Variants in TMEM108 observed in about 807,000 individuals in gnomAD.
TMEM108 encodes cancer/testis antigen 124.
TMEM108 carries 12 observed loss-of-function variants against 35.1 expected under a neutral mutation model. That is an observed-to-expected ratio of 0.34 (90% CI 0.22 to 0.55). The LOEUF (loss-of-function observed/expected upper bound fraction) is 0.55, where lower values mean the gene tolerates loss of function less well. TMEM108 is among the 20% of genes least tolerant of loss of function. The pLI is 0.89. For missense variants in TMEM108, 680 were observed against 753.3 expected, an observed-to-expected ratio of 0.90 and a Z score of 1.14; for synonymous variants, 287 against 308.6, an observed-to-expected ratio of 0.93 and a Z score of 0.73.
intron 2 of TMEM108, among the ~76,000 whole-genome samples, chr3:133,142,489 G>C (rs1944654631): frequency 6.6e-6 from 1 of 152,110 alleles, no homozygotes; most frequent in Non-Finnish European, 1.5e-5. Flanking sequence ...ACCTGCTCAG[G>C]GTGGATGTGT....
At chr3:133,230,889 A>T (rs917454821) in intron 3 of TMEM108, among the ~76,000 whole-genome samples, 1 of 152,206 alleles carries the variant, frequency 6.6e-6, no homozygotes, top group Non-Finnish European at 1.5e-5. Flanking sequence ...AGGGGGTTCA[A>T]ACATCATCTG....
chr3:133,200,995 TTTTGGAGGATCA>T (rs200273110), intron 2 of TMEM108, among the ~76,000 whole-genome samples: 3,494 of 152,216 alleles, frequency 0.023, 48 homozygotes, highest in African/African-American at 0.037. Flanking sequence ...CTTATGTTAA[TTTTGGAGGATCA>T]TTTGGAGGAT....
At chr3:133,386,677 C>T (rs555814585) in intron 4 of TMEM108, 1 of 1,398,278 alleles carries the variant, frequency 7.2e-7, no homozygotes, top group African/African-American at 1.4e-5. Context: ...GCAGTTGAAG[C>T]TTTTCAACTA....
chr3:133,143,133 C>T (rs1376051987), intron 2 of TMEM108, among the ~76,000 whole-genome samples: 4 of 152,132 alleles, frequency 2.6e-5, no homozygotes, highest in Non-Finnish European at 4.4e-5. Context: ...GGTTCATACC[C>T]AGAGCTCTGG....
chr3:133,166,806 T>C (rs1045522848), intron 2 of TMEM108, among the ~76,000 whole-genome samples: 2 of 152,170 alleles, frequency 1.3e-5, no homozygotes, highest in Non-Finnish European at 2.9e-5. Flanking sequence ...GCTCCCACAG[T>C]GTGGAAGGGC....
intron 2 of TMEM108, among the ~76,000 whole-genome samples, chr3:133,100,267 A>G (rs1246242975): frequency 2.0e-5 from 3 of 152,158 alleles, no homozygotes; most frequent in Admixed American, 6.5e-5. Context: ...CCCACAACAC[A>G]TGGGAATTCT....
chr3:133,120,968 T>C (rs554770650), intron 2 of TMEM108: 1 of 152,246 alleles, frequency 6.6e-6, no homozygotes, highest in Non-Finnish European at 1.5e-5. Flanking sequence ...AAGGCCTTTT[T>C]GGCATCCCAT....
At chr3:133,123,913 C>G (rs1274230981) in intron 2 of TMEM108, among the ~76,000 whole-genome samples, 1 of 152,130 alleles carries the variant, frequency 6.6e-6, no homozygotes, top group Non-Finnish European at 1.5e-5. Flanking sequence ...TATCTAGTAG[C>G]TTTGGTTTTT....
intron 2 of TMEM108, among the ~76,000 whole-genome samples, chr3:133,128,075 G>A (rs1399346276): frequency 1.3e-5 from 2 of 152,192 alleles, no homozygotes; most frequent in Non-Finnish European, 2.9e-5. Flanking sequence ...GATGGATAAA[G>A]ACTTAGCCTT....
At chr3:133,111,121 G>A (rs1340925451) in intron 2 of TMEM108, among the ~76,000 whole-genome samples, 2 of 152,136 alleles carry the variant, frequency 1.3e-5, no homozygotes, top group Non-Finnish European at 2.9e-5. Flanking sequence ...CCAAGATTGT[G>A]TCTGAACTAT....
At chr3:133,109,738 CAGTG>C (rs1029579978) in intron 2 of TMEM108, among the ~76,000 whole-genome samples, 61 of 152,256 alleles carry the variant, frequency 4.0e-4, no homozygotes, top group African/African-American at 1.4e-3. Context: ...CATGCGTTGA[CAGTG>C]AGTAAGTAAG....
intron 2 of TMEM108, chr3:133,119,525 CTTTGT>C (rs1224720526): frequency 2.0e-5 from 3 of 152,144 alleles, no homozygotes; most frequent in Admixed American, 6.5e-5. Context: ...CTGAAGTTTA[CTTTGT>C]TTTATCTATG....
intron 2 of TMEM108, among the ~76,000 whole-genome samples, chr3:133,130,927 ACACT>A (rs1383422824): frequency 1.3e-5 from 2 of 152,238 alleles, no homozygotes; most frequent in African/African-American, 2.4e-5. Context: ...AAAATTTATG[ACACT>A]CTATCTACTG....
intron 3 of TMEM108, among the ~76,000 whole-genome samples, chr3:133,351,240 C>T (rs1412030506): frequency 1.3e-5 from 2 of 152,256 alleles, no homozygotes; most frequent in African/African-American, 4.8e-5. Flanking sequence ...GCTGTTTGCT[C>T]CTGTGAGACC....
intron 3 of TMEM108, chr3:133,303,282 A>G (rs558396584): frequency 1.3e-5 from 2 of 152,318 alleles, no homozygotes; most frequent in South Asian, 4.1e-4. Flanking sequence ...ACAGCCTGTC[A>G]TATACCAATC....
chr3:133,348,495 A>G (rs1272320159), intron 3 of TMEM108, among the ~76,000 whole-genome samples: 1 of 152,264 alleles, frequency 6.6e-6, no homozygotes, highest in South Asian at 2.1e-4. Context: ...AGATAGAGTG[A>G]AGCGGAGTGG....
chr3:133,167,798 G>A (rs1391281824), intron 2 of TMEM108, among the ~76,000 whole-genome samples: 1 of 152,178 alleles, frequency 6.6e-6, no homozygotes, highest in East Asian at 1.9e-4. Context: ...CGCAAGCAGA[G>A]GGAGCTGGCT....
intron 2 of TMEM108, among the ~76,000 whole-genome samples, chr3:133,154,955 G>A (rs1037378513): frequency 6.6e-6 from 1 of 152,106 alleles, no homozygotes; most frequent in African/African-American, 2.4e-5. Context: ...AGGAGGTTCA[G>A]TATAGACACT....
At chr3:133,273,834 C>T (rs1416053269) in intron 3 of TMEM108, among the ~76,000 whole-genome samples, 3 of 152,108 alleles carry the variant, frequency 2.0e-5, no homozygotes, top group East Asian at 1.9e-4. Flanking sequence ...GAGAGATGGA[C>T]GACTCACTAC....
Sources: gnomAD v4.1 joint callset for allele counts (sites outside exome capture counted in the v4.1 genomes callset) on GRCh38, gnomAD v4.1.1 for gene constraint, MANE v1.5 for transcripts, NCBI Gene and HGNC (gene_info 2026-07-23, HGNC 2026-07-21) for gene names.